Variants in GMDS observed in about 807,000 individuals in gnomAD.
GMDS encodes the protein GDP-mannose 4,6-dehydratase, also known as GDP-mannose 4,6 dehydratase.
A neutral mutation model predicts 49.9 loss-of-function variants in GMDS; 20 were observed. That is an observed-to-expected ratio of 0.40 (90% CI 0.28 to 0.58). The LOEUF is 0.58. Among genes scored for constraint, GMDS ranks in the 20% least tolerant of loss-of-function variants. GMDS has a pLI of 0.42. For missense variants in GMDS, 362 were observed against 481.4 expected (o/e 0.75, Z 2.32); for synonymous variants, 177 against 178.6 (o/e 0.99, Z 0.07).
At chr6:1,888,003 T>C (rs1759687473) in intron 7 of GMDS, among the ~76,000 whole-genome samples, 1 of 152,116 alleles carries the variant, frequency 6.6e-6, no homozygotes, top group African/African-American at 2.4e-5. Context: ...GCCTGGAGTG[T>C]AACGGTGCAA....
intron 4 of GMDS, among the ~76,000 whole-genome samples, chr6:2,020,475 T>A (rs1055801279): frequency 3.3e-5 from 5 of 152,156 alleles, no homozygotes; most frequent in African/African-American, 7.2e-5. Context: ...AGAGGCAGAA[T>A]GCTTCCAACT....
In GMDS at chr6:1,910,065, T is replaced by A. The variant is rs146173759; in HGVS notation, c.771+20038A>T. Among the ~76,000 whole-genome samples the A allele has an allele frequency of 3.9e-3, 592 of 152,330 alleles. 4 individuals carry two copies. The highest frequency in any genetic ancestry group is 0.013 in the African/African-American group (535 of 41,564). On this transcript the variant is annotated intron_variant, in intron 7 of 10. Transcript: ENST00000380815. Reference sequence around the variant, plus strand: ...AATGTAAAATGTCTCAATAATTTTTTAATATTTTTTACATGCTTAATATTT... The same window carrying A: ...AATGTAAAATGTCTCAATAATTTTTAAATATTTTTTACATGCTTAATATTT...
chr6:2,173,497 G>A (rs990280654), intron 1 of GMDS, among the ~76,000 whole-genome samples: 2 of 152,182 alleles, frequency 1.3e-5, no homozygotes, highest in African/African-American at 4.8e-5. Flanking sequence ...GGATTTAGAA[G>A]GGTTCAAAAG....
chr6:1,898,202 C>A (rs559325534), intron 7 of GMDS, among the ~76,000 whole-genome samples: 148 of 152,036 alleles, frequency 9.7e-4, no homozygotes, highest in African/African-American at 3.3e-3. Context: ...GGGTTCTCCA[C>A]TGGGTGGCAA....
chr6:1,829,005 C>A (rs970060139), intron 7 of GMDS, among the ~76,000 whole-genome samples: 1 of 152,104 alleles, frequency 6.6e-6, no homozygotes, highest in African/African-American at 2.4e-5. Flanking sequence ...TGTATTCTTA[C>A]AATGAAGAAA....
At chr6:2,159,479 A>T (rs975489103) in intron 1 of GMDS, among the ~76,000 whole-genome samples, 6 of 146,914 alleles carry the variant, frequency 4.1e-5, no homozygotes, top group Non-Finnish European at 7.5e-5. Flanking sequence ...TTCATGGCAT[A>T]CCTTTTTCTT....
intron 6 of GMDS, among the ~76,000 whole-genome samples, chr6:1,934,607 T>C (rs1762436179): frequency 6.6e-6 from 1 of 152,222 alleles, no homozygotes; most frequent in South Asian, 2.1e-4. Flanking sequence ...GCTAAATTTG[T>C]TCCTAAACAC....
In GMDS at chr6:2,075,377, C is replaced by T. The variant is rs529425442; in HGVS notation, c.345+40394G>A. Among the ~76,000 whole-genome samples, 21 of 152,166 alleles carry T rather than the reference C, an allele frequency of 1.4e-4. No homozygotes were observed. The East Asian group carries it at 2.7e-3, about 20-fold the overall frequency. On this transcript the variant is annotated intron_variant, in intron 4 of 10. Coordinates refer to ENST00000380815, the MANE Select transcript of GMDS (RefSeq NM_001500.4). ...TGTTGGTGTGCTGCACCCGTTAACT[C>T]GTCATTTAACATTAGGCATACCTCC...
At chr6:1,776,830 C>T (rs1408008346) in intron 7 of GMDS, among the ~76,000 whole-genome samples, 1 of 152,160 alleles carries the variant, frequency 6.6e-6, no homozygotes, top group Non-Finnish European at 1.5e-5. Flanking sequence ...AGCTTGCCTG[C>T]CCTGAAAGAC....
chr6:1,774,986 C>T (rs1768737871), intron 7 of GMDS, among the ~76,000 whole-genome samples: 1 of 152,192 alleles, frequency 6.6e-6, no homozygotes, highest in African/African-American at 2.4e-5. Context: ...GCTCGATGGC[C>T]TCCTGTCTTT....
chr6:1,930,830 T>C (rs1235286952), intron 6 of GMDS: 2 of 152,228 alleles, frequency 1.3e-5, no homozygotes, highest in Non-Finnish European at 1.5e-5. Flanking sequence ...CCAAATGATA[T>C]GATATGGCCC....
chr6:2,116,351 C>T (rs112458458), intron 3 of GMDS, among the ~76,000 whole-genome samples: 1,917 of 152,274 alleles, frequency 0.013, 11 homozygotes, highest in Middle Eastern at 0.054. Context: ...TAGGCCCTGA[C>T]TGAATGCCCG....
intron 1 of GMDS, among the ~76,000 whole-genome samples, chr6:2,156,100 G>A (rs569305774): frequency 6.6e-6 from 1 of 152,004 alleles, no homozygotes; most frequent in Non-Finnish European, 1.5e-5. Flanking sequence ...TAAATAGATG[G>A]ATAATATAGT....
At chr6:1,893,664 C>T (rs565858213) in intron 7 of GMDS, among the ~76,000 whole-genome samples, 104 of 152,162 alleles carry the variant, frequency 6.8e-4, no homozygotes, top group Non-Finnish European at 1.3e-3. Flanking sequence ...GGCAGCCAGG[C>T]CACCTCCAGC....
intron 9 of GMDS, among the ~76,000 whole-genome samples, chr6:1,645,794 C>T (rs1172458037): frequency 6.6e-6 from 1 of 152,242 alleles, no homozygotes; most frequent in African/African-American, 2.4e-5. Context: ...CTGTCTACAG[C>T]AAGCATCTCC....
At chr6:1,946,499 C>T (rs1467280048) in intron 6 of GMDS, among the ~76,000 whole-genome samples, 3 of 92,764 alleles carry the variant, frequency 3.2e-5, no homozygotes, top group South Asian at 3.0e-4. Flanking sequence ...GTGTTACCTG[C>T]TATGCTATCA....
intron 7 of GMDS, among the ~76,000 whole-genome samples, chr6:1,762,634 T>A (rs1031322406): frequency 6.6e-6 from 1 of 152,224 alleles, no homozygotes; most frequent in Non-Finnish European, 1.5e-5. Context: ...AAGAGCACTT[T>A]GAGGTGGTGT....
At chr6:1,748,364 T>C (rs6907671) in intron 7 of GMDS, among the ~76,000 whole-genome samples, 149,184 of 152,230 alleles carry the variant, frequency 0.98, 73,115 homozygotes, top group East Asian at 1. Context: ...CTCTTTTGTT[T>C]TATCTTTTAC....
intron 1 of GMDS, among the ~76,000 whole-genome samples, chr6:2,146,684 C>G (rs951545007): frequency 7.2e-5 from 11 of 152,152 alleles, no homozygotes; most frequent in African/African-American, 2.2e-4. Context: ...TAACAACACG[C>G]CCCTCTCAAA....
Sources: gnomAD v4.1 joint callset for allele counts (sites outside exome capture counted in the v4.1 genomes callset) on GRCh38, gnomAD v4.1.1 for gene constraint, MANE v1.5 for transcripts, NCBI Gene and HGNC (gene_info 2026-07-23, HGNC 2026-07-21) for gene names.